Variants in DTNA observed in about 807,000 individuals in gnomAD.
DTNA encodes dystrophin-related protein 3.
In DTNA, 43 loss-of-function variants were observed where a neutral mutation model predicts 100.7. The observed-to-expected ratio is 0.43, with a 90% CI of 0.33 to 0.55. The LOEUF (loss-of-function observed/expected upper bound fraction) is 0.55. DTNA is among the 20% of genes least tolerant of loss of function. The pLI is 0.04. For missense variants in DTNA, 798 were observed against 953.9 expected (o/e 0.84, Z 2.15); for synonymous variants, 349 against 347.9 (o/e 1.00, Z -0.04).
At chr18:34,720,604 A>G (rs1018682301) in intron 1 of DTNA, among the ~76,000 whole-genome samples, 2 of 152,194 alleles carry the variant, frequency 1.3e-5, no homozygotes, top group Non-Finnish European at 2.9e-5. Flanking sequence ...GGTGGCTCCT[A>G]TAGTTCCCTT....
At chr18:34,868,858 T>C in intron 17 of DTNA, 1 of 822,552 alleles carries the variant, frequency 1.2e-6, no homozygotes, top group Non-Finnish European at 1.5e-6. Context: ...CTTTAAGATT[T>C]ATTGAAGGAA....
Position 34,889,587 on chromosome 18 carries a change from T to C in DTNA, c.*1853T>C, listed in dbSNP as rs543611071. The C allele has an allele frequency of 1.0e-6, 1 of 985,406 alleles. No individual in the cohort carries two copies. Among genetic ancestry groups the C allele is most frequent in the Admixed American group, 6.1e-5 (1 of 16,276 alleles). The allele number at this position is 985,406 out of a possible 1,614,324, so 61.0% of individuals were successfully genotyped here. A position where few individuals can be genotyped will look rare whatever the true frequency, so the allele number is the denominator to read the frequency against. Reference sequence around the variant, plus strand: ...GCCCAGCCAAGTCCTGACATCTTCATGCCCCCTCTGCAGAGGGCGGCTGTA... The same window carrying C: ...GCCCAGCCAAGTCCTGACATCTTCACGCCCCCTCTGCAGAGGGCGGCTGTA... On this transcript the variant is annotated 3_prime_UTR_variant, in exon 23 of 23. Transcript: ENST00000444659.
intron 1 of DTNA, among the ~76,000 whole-genome samples, chr18:34,560,775 G>T (rs901319846): frequency 2.6e-5 from 4 of 151,958 alleles, no homozygotes; most frequent in Admixed American, 1.3e-4. Context: ...CACGCAATTA[G>T]CCAGGCATAG....
intron 1 of DTNA, among the ~76,000 whole-genome samples, chr18:34,728,777 G>C (rs999134495): frequency 6.6e-6 from 1 of 152,182 alleles, no homozygotes; most frequent in African/African-American, 2.4e-5. Context: ...CTCCTGGAAA[G>C]AGGCTTCCCA....
At chr18:34,598,416 AC>A (rs1048653182) in intron 1 of DTNA, among the ~76,000 whole-genome samples, 14 of 152,200 alleles carry the variant, frequency 9.2e-5, no homozygotes, top group African/African-American at 3.1e-4. Flanking sequence ...ATGAGGCACA[AC>A]TAAATGAAAA....
At chr18:34,791,106 C>T (rs1233339672) in intron 3 of DTNA, among the ~76,000 whole-genome samples, 1 of 152,128 alleles carries the variant, frequency 6.6e-6, no homozygotes, top group Non-Finnish European at 1.5e-5. Flanking sequence ...TTATGTGGGC[C>T]ACTCCTGTGG....
At chr18:34,624,330 G>GT (rs1376828442) in intron 1 of DTNA, among the ~76,000 whole-genome samples, 8 of 152,106 alleles carry the variant, frequency 5.3e-5, no homozygotes, top group Non-Finnish European at 8.8e-5. Context: ...TGAGAACTGA[G>GT]TAACACATTG....
At chr18:34,739,188 A>G (rs2090180430) in intron 1 of DTNA, among the ~76,000 whole-genome samples, 1 of 152,230 alleles carries the variant, frequency 6.6e-6, no homozygotes, top group African/African-American at 2.4e-5. Context: ...TGGGATTTAT[A>G]TTAAAAATAA....
chr18:34,841,440 T>G (rs1470415202), intron 13 of DTNA, among the ~76,000 whole-genome samples: 4 of 152,190 alleles, frequency 2.6e-5, no homozygotes, highest in African/African-American at 9.6e-5. Context: ...ATGTATGTAG[T>G]TCCTTGAGTT....
Position 34,590,853 on chromosome 18 carries a change from G to A in DTNA, c.-2+97339G>A, listed in dbSNP as rs552639996. On this transcript the variant is annotated intron_variant, in intron 1 of 19. Transcript: ENST00000283365. ...AAATCTTATCAATTGCCTTGTGAAGGTTAGGGGGAAAAAGAAGGAAAAAAA... is the reference window on the plus strand; with the variant it reads ...AAATCTTATCAATTGCCTTGTGAAGATTAGGGGGAAAAAGAAGGAAAAAAA... Among the ~76,000 whole-genome samples, 3 of 152,266 alleles carry A rather than the reference G, an allele frequency of 2.0e-5. No homozygotes were observed. In the South Asian group the frequency reaches 6.2e-4, roughly 32 times the overall value.
chr18:34,572,103 A>G (rs2047646116), intron 1 of DTNA, among the ~76,000 whole-genome samples: 1 of 152,202 alleles, frequency 6.6e-6, no homozygotes, highest in African/African-American at 2.4e-5. Flanking sequence ...GAAGAAAAAC[A>G]CAAAAATGTG....
intron 1 of DTNA, among the ~76,000 whole-genome samples, chr18:34,583,193 C>G (rs148346832): frequency 2.0e-5 from 3 of 152,246 alleles, no homozygotes; most frequent in East Asian, 1.9e-4. Flanking sequence ...ATAAAAGGAT[C>G]TCCTTAGTCT....
intron 16 of DTNA, 30 bp from the exon 17 acceptor site, chr18:34,863,936 C>T (rs369200781): frequency 3.7e-5 from 59 of 1,583,116 alleles, no homozygotes; most frequent in African/African-American, 1.4e-5. Flanking sequence ...AGTTGCATGC[C>T]GCTTCTGATG....
At chr18:34,675,016 A>G (rs2077228416) in intron 1 of DTNA, among the ~76,000 whole-genome samples, 1 of 152,144 alleles carries the variant, frequency 6.6e-6, no homozygotes, top group African/African-American at 2.4e-5. Context: ...AGTTAGACTT[A>G]CCTTGTTCAA....
intron 4 of DTNA, among the ~76,000 whole-genome samples, chr18:34,795,526 A>T (rs916525740): frequency 6.6e-6 from 1 of 152,220 alleles, no homozygotes; most frequent in African/African-American, 2.4e-5. Context: ...GTGGTTCCAC[A>T]TGACAGGCAG....
At chr18:34,857,691 T>C (rs921476543) in intron 15 of DTNA, among the ~76,000 whole-genome samples, 3 of 152,118 alleles carry the variant, frequency 2.0e-5, no homozygotes, top group Non-Finnish European at 4.4e-5. Flanking sequence ...TGAGATCCAT[T>C]GTTAAGGCTG....
chr18:34,867,263 A>G, intron 17 of DTNA: 1 of 1,231,402 alleles, frequency 8.1e-7, no homozygotes, highest in Non-Finnish European at 1.0e-6. Context: ...TTTACCCTTC[A>G]TTCCCATGGT....
intron 1 of DTNA, among the ~76,000 whole-genome samples, chr18:34,608,558 A>G (rs1468376774): frequency 6.6e-6 from 1 of 151,128 alleles, no homozygotes; most frequent in African/African-American, 2.4e-5. Context: ...GGTGAGAACT[A>G]TTCATAAAAA....
chr18:34,692,716 A>G (rs28486071), intron 1 of DTNA, among the ~76,000 whole-genome samples: 97 of 152,312 alleles, frequency 6.4e-4, no homozygotes, highest in African/African-American at 2.2e-3. Flanking sequence ...TCTGCAAACT[A>G]TTTATACAAA....
Sources: allele counts gnomAD v4.1 joint callset (sites outside exome capture counted in the v4.1 genomes callset), GRCh38; gene constraint gnomAD v4.1.1; transcripts MANE v1.5; gene names NCBI Gene and HGNC (gene_info 2026-07-23, HGNC 2026-07-21).